Variants in ANKFN1 observed in about 807,000 individuals in gnomAD.
ANKFN1 encodes ankyrin repeat and fibronectin type-III domain-containing protein 1.
In ANKFN1, 74 loss-of-function variants were observed where a neutral mutation model predicts 108.7. The observed-to-expected ratio is 0.68, with a 90% CI of 0.56 to 0.83. ANKFN1 has a LOEUF of 0.83. Ranked by LOEUF, ANKFN1 falls within the 40% of genes least tolerant of loss-of-function variation. The pLI is 0.00. For synonymous variants in ANKFN1, 547 were observed against 516.2 expected (o/e 1.06, Z -0.81); for missense variants, 1,505 against 1,382.3 (o/e 1.09, Z -1.41).
chr17:56,123,781 G>A (rs1906756487), intron 4 of ANKFN1, among the ~76,000 whole-genome samples: 1 of 151,398 alleles, frequency 6.6e-6, no homozygotes, highest in African/African-American at 2.4e-5. Flanking sequence ...GTGTGAGCCT[G>A]TGTGCATGAC....
chr17:56,307,022 C>T (rs932760469), intron 3 of ANKFN1, among the ~76,000 whole-genome samples: 6 of 152,126 alleles, frequency 3.9e-5, no homozygotes, highest in African/African-American at 1.4e-4. Flanking sequence ...ACTGGCTAGC[C>T]ATATGTAGAA....
intron 4 of ANKFN1, among the ~76,000 whole-genome samples, chr17:56,338,832 G>A (rs891743959): frequency 6.6e-6 from 1 of 152,072 alleles, no homozygotes; most frequent in Non-Finnish European, 1.5e-5. Context: ...GGGCAAGTTA[G>A]TGAAAACCAG....
chr17:56,510,340 G>T, intron 20 of ANKFN1, 133 bp from the exon 21 acceptor site: 1 of 751,262 alleles, frequency 1.3e-6, no homozygotes, highest in Non-Finnish European at 2.1e-6. Context: ...CAGCATTTCA[G>T]GAGGTGACAG....
At chr17:56,443,041 G>A (rs1396994971) in intron 10 of ANKFN1, 108 bp downstream of exon 10, 3 of 1,028,866 alleles carry the variant, frequency 2.9e-6, no homozygotes, top group Middle Eastern at 2.2e-4. Context: ...CAACCCATAA[G>A]ACCTTCTCAG....
chr17:56,091,650 G>A (rs1235622056), intron 4 of ANKFN1, among the ~76,000 whole-genome samples: 1 of 151,332 alleles, frequency 6.6e-6, no homozygotes, highest in Non-Finnish European at 1.5e-5. Context: ...TCCTTATAAA[G>A]CAAATTGGGA....
chr17:56,354,411 C>CTTCATTCATTCA lies in ANKFN1; in HGVS notation c.601+382_601+393dup, dbSNP rs149400397. The stretch of plus-strand genomic sequence containing the variant: ...TTTGTATCCACAGTCAATGCGGTGG[C>CTTCATTCATTCA]TTCATTCATTCATTCATTCATTCAT... On this transcript the variant is annotated intron_variant, in intron 6 of 20. Coordinates refer to ENST00000682825, the MANE Select transcript of ANKFN1 (RefSeq NM_001370326.1). 2.8e-3 allele frequency among the ~76,000 whole-genome samples: 428 copies of CTTCATTCATTCA among 152,060 alleles called. 2 individuals are homozygous for CTTCATTCATTCA. Among genetic ancestry groups the CTTCATTCATTCA allele is most frequent in the African/African-American group, 0.01 (417 of 41,422 alleles).
intron 3 of ANKFN1, among the ~76,000 whole-genome samples, chr17:56,307,599 G>A (rs1239055864): frequency 4.6e-5 from 7 of 152,188 alleles, no homozygotes; most frequent in Non-Finnish European, 7.3e-5. Flanking sequence ...AGAGGATGTG[G>A]AGAAATAGGA....
intron 8 of ANKFN1, among the ~76,000 whole-genome samples, chr17:56,434,058 A>T (rs2048851818): frequency 6.6e-6 from 1 of 152,168 alleles, no homozygotes; most frequent in African/African-American, 2.4e-5. Context: ...TTTAGGTAAG[A>T]GCCATAATAT....
At chr17:56,469,525 C>G (rs1385671597) in intron 15 of ANKFN1, among the ~76,000 whole-genome samples, 1 of 152,076 alleles carries the variant, frequency 6.6e-6, no homozygotes, top group Non-Finnish European at 1.5e-5. Context: ...GGGCTTCTGT[C>G]TGCTACATCA....
intron 3 of ANKFN1, among the ~76,000 whole-genome samples, chr17:56,288,732 G>C (rs775406941): frequency 6.6e-6 from 1 of 152,154 alleles, no homozygotes; most frequent in Non-Finnish European, 1.5e-5. Flanking sequence ...AGAGCCTTTA[G>C]AGTAGTAGAC....
At chr17:56,322,692 C>A (rs1291548633) in intron 3 of ANKFN1, among the ~76,000 whole-genome samples, 1 of 152,196 alleles carries the variant, frequency 6.6e-6, no homozygotes, top group African/African-American at 2.4e-5. Context: ...GTAGAGAGAT[C>A]TTCATTCCTC....
At chr17:56,110,697 C>T (rs1292385188) in intron 4 of ANKFN1, among the ~76,000 whole-genome samples, 1 of 152,210 alleles carries the variant, frequency 6.6e-6, no homozygotes, top group African/African-American at 2.4e-5. Flanking sequence ...TCTACTGATA[C>T]CTGCTTTGAA....
intron 3 of ANKFN1, chr17:56,228,571 G>T (rs936491629): frequency 2.5e-4 from 38 of 151,978 alleles, no homozygotes; most frequent in Admixed American, 2.2e-3. Flanking sequence ...TGGAATTAGG[G>T]TGATTTTTTT....
chr17:56,098,750 C>T (rs1015860330), intron 4 of ANKFN1, among the ~76,000 whole-genome samples: 2 of 152,160 alleles, frequency 1.3e-5, no homozygotes, highest in Non-Finnish European at 2.9e-5. Flanking sequence ...GAAGACCTCA[C>T]TGCAACCCAA....
intron 4 of ANKFN1, among the ~76,000 whole-genome samples, chr17:56,070,547 C>A (rs1374747490): frequency 2.6e-5 from 4 of 152,130 alleles, no homozygotes; most frequent in African/African-American, 9.7e-5. Flanking sequence ...AGGTCACATT[C>A]ATGAGTACTG....
chr17:56,293,482 A>G (rs960560230), intron 3 of ANKFN1, among the ~76,000 whole-genome samples: 2 of 152,186 alleles, frequency 1.3e-5, no homozygotes, highest in South Asian at 2.1e-4. Context: ...AGTTATTCCA[A>G]TGTATTCTTG....
At chr17:56,154,675 A>G (rs973864176) in intron 1 of ANKFN1, among the ~76,000 whole-genome samples, 4 of 151,564 alleles carry the variant, frequency 2.6e-5, no homozygotes, top group Non-Finnish European at 5.9e-5. Flanking sequence ...TCCTTTTACT[A>G]TGTATTCAAA....
chr17:56,151,014 C>T (rs1908569918), upstream of ANKFN1, among the ~76,000 whole-genome samples: 1 of 152,102 alleles, frequency 6.6e-6, no homozygotes, highest in Admixed American at 6.5e-5. Context: ...GAGTGAGAGG[C>T]AGGATGGAGG....
In ANKFN1 at chr17:56,384,986, A is replaced by C. The variant is rs527611557; in HGVS notation, c.910+10272A>C. On this transcript the variant is annotated intron_variant, in intron 8 of 20. Transcript: ENST00000682825. ...AAAAACTACTTTAAAGTTCATGTGG[A>C]ACCAAAAAAGAGCCCGCATCGCCAA... is the stretch of plus-strand genomic sequence containing the variant. 7.0e-4 allele frequency among the ~76,000 whole-genome samples: 107 copies of C among 151,854 alleles called. 1 individual carries two copies. The highest frequency in any genetic ancestry group is 2.9e-3 in the Admixed American group (44 of 15,258).
Sources: gnomAD v4.1 joint callset for allele counts (sites outside exome capture counted in the v4.1 genomes callset) on GRCh38, gnomAD v4.1.1 for gene constraint, MANE v1.5 for transcripts, NCBI Gene and HGNC (gene_info 2026-07-23, HGNC 2026-07-21) for gene names.